The following TFEC variants were observed in gnomAD, a reference collection of about 807,000 sequenced individuals.
The protein encoded by TFEC is class E basic helix-loop-helix protein 34.
Under a neutral mutation model 41.6 loss-of-function variants are expected in TFEC, and 31 were observed. That is an observed-to-expected ratio of 0.74 (90% CI 0.56 to 1.01). TFEC has a LOEUF of 1.01. Among genes scored for constraint, TFEC ranks in the 50% least tolerant of loss-of-function variants. The pLI, the probability that TFEC is intolerant of heterozygous loss-of-function variation, is 0.00. For missense variants in TFEC, 402 were observed against 404.1 expected, an observed-to-expected ratio of 0.99 and a Z score of 0.04; for synonymous variants, 143 against 140.6, an observed-to-expected ratio of 1.02 and a Z score of -0.12.
intron 6 of TFEC, among the ~76,000 whole-genome samples, chr7:115,946,609 TTTC>T (rs1562879071): frequency 5.3e-5 from 6 of 112,218 alleles, no homozygotes. Context: ...TTCTTTCTTT[TTTC>T]TTTCTTTCTT....
chr7:116,054,988 T>C (rs1034310531), intron 3 of TFEC, among the ~76,000 whole-genome samples: 13 of 152,172 alleles, frequency 8.5e-5, no homozygotes, highest in African/African-American at 2.9e-4. Flanking sequence ...AAAATATGAA[T>C]GCATATGGCA....
intron 1 of TFEC, among the ~76,000 whole-genome samples, chr7:116,029,283 G>T (rs1376996704): frequency 6.6e-6 from 1 of 151,902 alleles, no homozygotes; most frequent in Non-Finnish European, 1.5e-5. Flanking sequence ...CTTAAAAGGA[G>T]ATCTTAAAGT....
chr7:116,082,015 C>T (rs1797102292), intron 3 of TFEC, among the ~76,000 whole-genome samples: 1 of 151,920 alleles, frequency 6.6e-6, no homozygotes, highest in Non-Finnish European at 1.5e-5. Context: ...TTACTTATAT[C>T]TTTAGTATGG....
chr7:116,029,537 T>A (rs1584723081), intron 1 of TFEC, among the ~76,000 whole-genome samples: 2 of 152,134 alleles, frequency 1.3e-5, no homozygotes, highest in Admixed American at 1.3e-4. Flanking sequence ...TTATAAACTA[T>A]CCAAAATGAA....
At chr7:115,941,054 A>G (rs1459200779) in intron 7 of TFEC, 123 bp from the exon 8 acceptor site, 3 of 874,960 alleles carry the variant, frequency 3.4e-6, no homozygotes, top group Non-Finnish European at 5.0e-6. Context: ...TACAATACAA[A>G]TTATGAATAA....
intron 1 of TFEC, among the ~76,000 whole-genome samples, chr7:115,993,485 A>G (rs947533046): frequency 1.3e-5 from 2 of 152,234 alleles, no homozygotes; most frequent in African/African-American, 4.8e-5. Context: ...AATCTCCTTA[A>G]GCTGATAAGC....
chr7:116,022,185 CACTT>C (rs1281292610), intron 1 of TFEC, among the ~76,000 whole-genome samples: 1 of 152,160 alleles, frequency 6.6e-6, no homozygotes, highest in African/African-American at 2.4e-5. Flanking sequence ...TATAAAAAGA[CACTT>C]AGAACTCAGT....
chr7:116,058,666 A>G (rs1796483691), intron 3 of TFEC, among the ~76,000 whole-genome samples: 1 of 151,820 alleles, frequency 6.6e-6, no homozygotes, highest in African/African-American at 2.4e-5. Flanking sequence ...TAATAAATTT[A>G]AAAGGATTCA....
chr7:116,073,894 T>C (rs1027943622), intron 3 of TFEC, among the ~76,000 whole-genome samples: 2 of 151,854 alleles, frequency 1.3e-5, no homozygotes, highest in African/African-American at 4.8e-5. Context: ...TAGAATAAAA[T>C]GGAGTCTAGA....
rs1792910547 is a variant in TFEC at position 115,967,433 on chromosome 7, A to G, written c.267+6737T>C. On this transcript the variant is annotated intron_variant, in intron 3 of 7. Transcript: ENST00000265440. The stretch of plus-strand genomic sequence containing the variant: ...ATCACTGTAGGAGAGCCTAGAGTGC[A>G]CAATGCATGCAAAAAATTGGCGTTT... 2.0e-5 allele frequency among the ~76,000 whole-genome samples: 3 copies of G among 151,946 alleles called. No individual in the cohort carries two copies. In the East Asian group the frequency reaches 5.8e-4, roughly 30 times the overall value.
intron 1 of TFEC, among the ~76,000 whole-genome samples, chr7:115,993,410 T>C (rs1794215305): frequency 6.6e-6 from 1 of 152,148 alleles, no homozygotes; most frequent in African/African-American, 2.4e-5. Flanking sequence ...AAAGAGGAAG[T>C]CAAATTGTCC....
At chr7:116,102,438 C>T (rs192609220) in intron 3 of TFEC, among the ~76,000 whole-genome samples, 130 of 152,132 alleles carry the variant, frequency 8.5e-4, no homozygotes, top group African/African-American at 2.3e-3. Context: ...TGGATAGGAA[C>T]GAGATTGGAC....
At chr7:116,032,841 T>TA (rs1356320642), upstream of TFEC, among the ~76,000 whole-genome samples, 2 of 152,108 alleles carry the variant, frequency 1.3e-5, no homozygotes, top group African/African-American at 4.8e-5. Context: ...AAATAATAGT[T>TA]AAAAATTTTT....
At chr7:116,079,675 CATGG>C (rs1404141060) in intron 3 of TFEC, among the ~76,000 whole-genome samples, 1 of 151,892 alleles carries the variant, frequency 6.6e-6, no homozygotes, top group African/African-American at 2.4e-5. Context: ...TGAAAGAAAT[CATGG>C]ATGACATAAA....
intron 1 of TFEC, among the ~76,000 whole-genome samples, chr7:116,007,052 G>A (rs1562929407): frequency 1.3e-5 from 2 of 152,136 alleles, no homozygotes; most frequent in African/African-American, 2.4e-5. Context: ...CCAGTGTTGG[G>A]TGTGTAATTA....
intron 1 of TFEC, among the ~76,000 whole-genome samples, chr7:116,123,620 G>A (rs1385998520): frequency 1.3e-5 from 2 of 151,996 alleles, no homozygotes; most frequent in African/African-American, 4.8e-5. Context: ...CAAACATAAT[G>A]ACTGCCCACT....
intron 2 of TFEC, among the ~76,000 whole-genome samples, chr7:115,981,454 T>C (rs1444975692): frequency 1.3e-5 from 2 of 152,136 alleles, no homozygotes; most frequent in African/African-American, 4.8e-5. Flanking sequence ...TAGAGAAATA[T>C]TATTGAAATA....
intron 1 of TFEC, among the ~76,000 whole-genome samples, chr7:116,153,672 A>G (rs896848828): frequency 1.3e-5 from 2 of 152,210 alleles, no homozygotes; most frequent in Non-Finnish European, 1.5e-5. Context: ...GGAAAAAAAA[A>G]AGCTCTTCCT....
chr7:116,153,227 C>T (rs558168510), intron 1 of TFEC, among the ~76,000 whole-genome samples: 3 of 151,500 alleles, frequency 2.0e-5, no homozygotes, highest in South Asian at 2.1e-4. Context: ...GCAGTGGTGG[C>T]GATGTTGTGG....
Sources: gnomAD v4.1 joint callset for allele counts (sites outside exome capture counted in the v4.1 genomes callset) on GRCh38, gnomAD v4.1.1 for gene constraint, MANE v1.5 for transcripts, NCBI Gene and HGNC (gene_info 2026-07-23, HGNC 2026-07-21) for gene names.